LRRC4C: variants seen among roughly 807,000 people sequenced by gnomAD.
LRRC4C encodes leucine-rich repeat-containing protein 4C.
A neutral mutation model predicts 33.6 loss-of-function variants in LRRC4C; 5 were observed. The ratio of observed to expected loss-of-function variants is 0.15; its 90% CI spans 0.08 to 0.31. LRRC4C has a LOEUF of 0.31. Ranked by LOEUF, LRRC4C falls within the 10% of genes least tolerant of loss-of-function variation. LRRC4C has a pLI of 1.00. For synonymous variants in LRRC4C, 329 were observed against 302.0 expected (o/e 1.09, Z -0.93); for missense variants, 560 against 796.7 (o/e 0.70, Z 3.58).
At chr11:41,232,783 C>A (rs1374195681) in intron 1 of LRRC4C, among the ~76,000 whole-genome samples, 5 of 150,062 alleles carry the variant, frequency 3.3e-5, no homozygotes, top group Admixed American at 6.7e-5. Context: ...CACACACACA[C>A]GTCATAGTGA....
At chr11:41,187,910 C>T (rs1026046509) in intron 1 of LRRC4C, among the ~76,000 whole-genome samples, 1 of 152,182 alleles carries the variant, frequency 6.6e-6, no homozygotes, top group Admixed American at 6.5e-5. Context: ...GAACTTTTCT[C>T]GTTTCAGCAG....
At chr11:40,804,027 C>T (rs1235949338) in intron 2 of LRRC4C, among the ~76,000 whole-genome samples, 1 of 152,086 alleles carries the variant, frequency 6.6e-6, no homozygotes, top group African/African-American at 2.4e-5. Context: ...CTTACTGCTG[C>T]CTAAAAATCA....
intron 6 of LRRC4C, among the ~76,000 whole-genome samples, chr11:40,140,108 C>A (rs1590492856): frequency 6.6e-6 from 1 of 152,144 alleles, no homozygotes; most frequent in East Asian, 1.9e-4. Flanking sequence ...GAAGGAAGTG[C>A]ATTAATTTTG....
intron 1 of LRRC4C, among the ~76,000 whole-genome samples, chr11:41,312,308 T>C (rs1005460708): frequency 6.6e-6 from 1 of 152,218 alleles, no homozygotes; most frequent in Admixed American, 6.5e-5. Flanking sequence ...TTACTCTCAC[T>C]GCTCCTGAGA....
rs547699597 is a variant in LRRC4C, at chr11:41,068,842, C to A, written c.-495-135119G>T. ...TAACGGCCGAATTCTACCAAAAGAA[C>A]AAAGAGGAGCTGGTACCATTCCTTC... is the stretch of plus-strand genomic sequence containing the variant. On this transcript the variant is annotated intron_variant, in intron 1 of 6. Transcript: ENST00000528697. Among the ~76,000 whole-genome samples, 3 of 152,174 alleles carry A rather than the reference C, an allele frequency of 2.0e-5. No homozygotes were observed. In the South Asian group the frequency reaches 6.2e-4, roughly 32 times the overall value.
chr11:40,421,765 C>T (rs1043300486), intron 3 of LRRC4C, among the ~76,000 whole-genome samples: 2 of 152,144 alleles, frequency 1.3e-5, no homozygotes, highest in Non-Finnish European at 2.9e-5. Flanking sequence ...TTAAGATTTC[C>T]AGCTGTCAGT....
intron 4 of LRRC4C, among the ~76,000 whole-genome samples, chr11:40,258,518 T>C (rs1286184231): frequency 6.6e-6 from 1 of 152,210 alleles, no homozygotes; most frequent in Non-Finnish European, 1.5e-5. Flanking sequence ...TACATTCTTG[T>C]TGTATCATTG....
chr11:41,244,589 C>A (rs1188895803), intron 1 of LRRC4C, among the ~76,000 whole-genome samples: 1 of 152,154 alleles, frequency 6.6e-6, no homozygotes, highest in African/African-American at 2.4e-5. Flanking sequence ...GGCAAGAAAA[C>A]AGTAGAGGAG....
chr11:40,164,890 AAT>A (rs1232280583), intron 5 of LRRC4C, among the ~76,000 whole-genome samples: 1 of 152,210 alleles, frequency 6.6e-6, no homozygotes, highest in Non-Finnish European at 1.5e-5. Flanking sequence ...ATTATGTATC[AAT>A]AGAGTTTATT....
At position 40,378,101 on chromosome 11, in the gene LRRC4C, G is replaced by A. The variant is rs923941024; in HGVS notation, c.-269-58380C>T. Reference sequence around the variant, plus strand: ...TAATCTGGGCCTGTTAGGTTCTTGAGCATTATACTCTAAATTCACTTTCTA... The same window carrying A: ...TAATCTGGGCCTGTTAGGTTCTTGAACATTATACTCTAAATTCACTTTCTA... On this transcript the variant is annotated intron_variant, in intron 3 of 6. Coordinates refer to ENST00000528697, the MANE Select transcript of LRRC4C (RefSeq NM_001258419.2). Among the ~76,000 whole-genome samples, 3 of 152,060 alleles carry A rather than the reference G, an allele frequency of 2.0e-5. No individual in the cohort carries two copies. The East Asian group carries it at 5.8e-4, about 29-fold the overall frequency.
intron 5 of LRRC4C, among the ~76,000 whole-genome samples, chr11:40,180,778 T>C (rs1485086866): frequency 1.3e-5 from 2 of 152,246 alleles, no homozygotes; most frequent in Admixed American, 1.3e-4. Context: ...CATGTGTGTA[T>C]GCATTCGCTA....
At chr11:40,352,942 C>A (rs1343419914) in intron 3 of LRRC4C, among the ~76,000 whole-genome samples, 1 of 152,156 alleles carries the variant, frequency 6.6e-6, no homozygotes, top group African/African-American at 2.4e-5. Context: ...AAGTCTGATG[C>A]AGGATGCTTT....
At chr11:41,325,972 T>C (rs374504609) in intron 1 of LRRC4C, among the ~76,000 whole-genome samples, 1 of 152,152 alleles carries the variant, frequency 6.6e-6, no homozygotes, top group South Asian at 2.1e-4. Context: ...TGTGTTTACT[T>C]ATGTAACAAA....
At chr11:40,637,364 A>G (rs947063270) in intron 3 of LRRC4C, among the ~76,000 whole-genome samples, 3 of 152,258 alleles carry the variant, frequency 2.0e-5, no homozygotes, top group Non-Finnish European at 2.9e-5. Context: ...GTGACTAAGT[A>G]TAGAATTAAA....
chr11:40,900,320 TG>T lies in LRRC4C; in HGVS notation c.-407+33314del, dbSNP rs542844827. ...CAATTTCAATCATTTTCTTAATTTA[TG>T]GAATAAGATGATCCAGGATCAACTT... On this transcript the variant is annotated intron_variant, in intron 2 of 6. Transcript: ENST00000528697. Among the ~76,000 whole-genome samples, 432 of 152,240 alleles carry T rather than the reference TG, an allele frequency of 2.8e-3. 4 individuals carry two copies. The highest frequency in any genetic ancestry group is 5.3e-3 in the Non-Finnish European group (360 of 67,976).
chr11:40,966,224 G>T (rs1055644118), intron 1 of LRRC4C, among the ~76,000 whole-genome samples: 9 of 151,922 alleles, frequency 5.9e-5, no homozygotes, highest in Admixed American at 2.0e-4. Context: ...TGTCATGAAA[G>T]AATAGGTACA....
chr11:41,435,771 G>A (rs1955404690), intron 1 of LRRC4C, among the ~76,000 whole-genome samples: 1 of 152,170 alleles, frequency 6.6e-6, no homozygotes, highest in Non-Finnish European at 1.5e-5. Context: ...GTTAACAGAT[G>A]TTCCATAAAA....
intron 5 of LRRC4C, among the ~76,000 whole-genome samples, chr11:40,165,919 C>T (rs1312688400): frequency 8.6e-5 from 13 of 151,968 alleles, no homozygotes; most frequent in Admixed American, 2.6e-4. Flanking sequence ...CACTCCAGCC[C>T]GGGCAAGGAG....
At chr11:41,304,029 C>A in intron 1 of LRRC4C, among the ~76,000 whole-genome samples, 1 of 77,682 alleles carries the variant, frequency 1.3e-5, no homozygotes, top group Non-Finnish European at 3.2e-5. Context: ...GCCAGCCGCC[C>A]CATCCGGGAG....
Sources: gnomAD v4.1 joint callset for allele counts (sites outside exome capture counted in the v4.1 genomes callset) on GRCh38, gnomAD v4.1.1 for gene constraint, MANE v1.5 for transcripts, NCBI Gene and HGNC (gene_info 2026-07-23, HGNC 2026-07-21) for gene names.